The following MAF variants were observed in gnomAD, a reference collection of about 807,000 sequenced individuals.
The protein encoded by MAF is MAF bZIP transcription factor.
Under a neutral mutation model 22.0 loss-of-function variants are expected in MAF, and 10 were observed. That is an observed-to-expected ratio of 0.45 (90% CI 0.28 to 0.77). The LOEUF is 0.77. MAF is among the 30% of genes least tolerant of loss of function. The pLI, the probability that MAF is intolerant of heterozygous loss-of-function variation, is 0.12. For missense variants in MAF, 544 were observed against 548.4 expected, an observed-to-expected ratio of 0.99 and a Z score of 0.08; for synonymous variants, 337 against 255.8, an observed-to-expected ratio of 1.32 and a Z score of -3.03.
At chr16:79,416,056 C>G in the MAF span, among the ~76,000 whole-genome samples, 1 of 152,262 alleles carries the variant, frequency 6.6e-6, no homozygotes, top group South Asian at 2.1e-4. Context: ...GCACCTGTCT[C>G]CTACCAGCAG....
the MAF span, among the ~76,000 whole-genome samples, chr16:79,304,318 C>T: frequency 1.5e-4 from 23 of 152,288 alleles, no homozygotes; most frequent in African/African-American, 5.1e-4. Flanking sequence ...TCCTGTAACA[C>T]GGGCTAATGA....
chr16:79,220,646 T>C, the MAF span, among the ~76,000 whole-genome samples: 1 of 152,162 alleles, frequency 6.6e-6, no homozygotes, highest in Admixed American at 6.5e-5. Flanking sequence ...TTAGTAAATA[T>C]ATTTGTGTAA....
the MAF span, among the ~76,000 whole-genome samples, chr16:79,414,436 T>A: frequency 6.6e-6 from 1 of 152,150 alleles, no homozygotes; most frequent in African/African-American, 2.4e-5. Flanking sequence ...TCAGATCTCA[T>A]GTGAACTAAT....
the MAF span, among the ~76,000 whole-genome samples, chr16:79,496,708 T>A: frequency 6.6e-6 from 1 of 152,208 alleles, no homozygotes; most frequent in Non-Finnish European, 1.5e-5. Context: ...GATGCTTCAA[T>A]GCAAGCACAT....
chr16:79,307,518 C>A, the MAF span, among the ~76,000 whole-genome samples: 3 of 152,208 alleles, frequency 2.0e-5, no homozygotes, highest in African/African-American at 7.2e-5. Context: ...GGAAATACCC[C>A]ACACACATCC....
the MAF span, among the ~76,000 whole-genome samples, chr16:79,534,921 G>GTTTTACT: frequency 1.2e-3 from 176 of 152,220 alleles, no homozygotes; most frequent in African/African-American, 3.9e-3. Flanking sequence ...CTCAGCTTCA[G>GTTTTACT]TTTTACTTTT....
At chr16:79,373,814 T>C in the MAF span, among the ~76,000 whole-genome samples, 1 of 152,218 alleles carries the variant, frequency 6.6e-6, no homozygotes, top group Non-Finnish European at 1.5e-5. Flanking sequence ...TCCCTTGACC[T>C]TGGACTTCTC....
chr16:79,216,307 A>G, the MAF span, among the ~76,000 whole-genome samples: 1 of 146,232 alleles, frequency 6.8e-6, no homozygotes, highest in Non-Finnish European at 1.5e-5. Flanking sequence ...TAGATGTATA[A>G]CACATATATG....
the MAF span, among the ~76,000 whole-genome samples, chr16:79,445,886 A>G: frequency 6.6e-6 from 1 of 152,182 alleles, no homozygotes; most frequent in Non-Finnish European, 1.5e-5. Flanking sequence ...GCATGCATAC[A>G]TGACCATTCT....
the MAF span, among the ~76,000 whole-genome samples, chr16:79,433,159 C>T: frequency 2.6e-5 from 4 of 151,874 alleles, no homozygotes; most frequent in Non-Finnish European, 5.9e-5. Context: ...AAGCTGTGCA[C>T]CTTAAATCTT....
chr16:79,569,788 T>G, the MAF span, among the ~76,000 whole-genome samples: 1 of 152,166 alleles, frequency 6.6e-6, no homozygotes, highest in Non-Finnish European at 1.5e-5. Context: ...TTTCAGATGA[T>G]TTTCACAAGT....
chr16:79,266,317 G>T, the MAF span, among the ~76,000 whole-genome samples: 10 of 152,234 alleles, frequency 6.6e-5, no homozygotes, highest in African/African-American at 2.4e-4. Context: ...GGTTGACCAC[G>T]GGTAACTGAA....
At chr16:79,281,103 G>C in the MAF span, among the ~76,000 whole-genome samples, 1 of 152,206 alleles carries the variant, frequency 6.6e-6, no homozygotes, top group East Asian at 1.9e-4. Context: ...AAGACAAATA[G>C]AGGATGAATG....
At chr16:79,516,964 G>T in the MAF span, among the ~76,000 whole-genome samples, 1 of 152,192 alleles carries the variant, frequency 6.6e-6, no homozygotes, top group South Asian at 2.1e-4. Context: ...TGAACCAGAG[G>T]CTTTCTAAGG....
the MAF span, among the ~76,000 whole-genome samples, chr16:79,413,638 T>A: frequency 6.6e-6 from 1 of 152,126 alleles, no homozygotes; most frequent in South Asian, 2.1e-4. Flanking sequence ...TTATAAGCAT[T>A]AGATAAAATA....
chr16:79,293,782 C>T, the MAF span, among the ~76,000 whole-genome samples: 5 of 151,644 alleles, frequency 3.3e-5, no homozygotes, highest in East Asian at 1.9e-4. Flanking sequence ...ATGCTAGAAA[C>T]AAGAACCACC....
chr16:79,421,719 C>T, the MAF span, among the ~76,000 whole-genome samples: 2 of 151,786 alleles, frequency 1.3e-5, no homozygotes, highest in Non-Finnish European at 2.9e-5. Flanking sequence ...CCGCTGCAAC[C>T]TTGAGCTCCT....
At chr16:79,438,809 T>C in the MAF span, among the ~76,000 whole-genome samples, 6 of 152,254 alleles carry the variant, frequency 3.9e-5, no homozygotes, top group African/African-American at 1.4e-4. Flanking sequence ...AAAGCAATAA[T>C]GATCACAGTA....
chr16:79,527,841 T>C, the MAF span, among the ~76,000 whole-genome samples: 6 of 152,134 alleles, frequency 3.9e-5, no homozygotes, highest in African/African-American at 1.4e-4. Flanking sequence ...AAGAGGATGA[T>C]GGTTTTAAAG....
Sources: gnomAD v4.1 joint callset for allele counts (sites outside exome capture counted in the v4.1 genomes callset) on GRCh38, gnomAD v4.1.1 for gene constraint, MANE v1.5 for transcripts, NCBI Gene and HGNC (gene_info 2026-07-23, HGNC 2026-07-21) for gene names.